Variants in KLF12 observed in about 807,000 individuals in gnomAD.
The protein encoded by KLF12 is KLF transcription factor 12, also known as Krueppel-like factor 12.
In KLF12, 9 loss-of-function variants were observed where a neutral mutation model predicts 37.8. The observed-to-expected ratio is 0.24, with a 90% CI of 0.14 to 0.42. The LOEUF (loss-of-function observed/expected upper bound fraction) is 0.42, where lower values mean the gene tolerates loss of function less well. Among genes scored for constraint, KLF12 ranks in the 10% least tolerant of loss-of-function variants. KLF12 has a pLI of 1.00. For missense variants in KLF12, 411 were observed against 516.0 expected, an observed-to-expected ratio of 0.80 and a Z score of 1.97; for synonymous variants, 208 against 202.1, an observed-to-expected ratio of 1.03 and a Z score of -0.25.
chr13:73,981,030 C>A (rs1359494803), intron 2 of KLF12, among the ~76,000 whole-genome samples: 1 of 152,020 alleles, frequency 6.6e-6, no homozygotes, highest in Admixed American at 6.5e-5. Context: ...CGTGGTGATG[C>A]CTGCCTGAAG....
chr13:73,903,650 C>T (rs1257721510), intron 3 of KLF12, among the ~76,000 whole-genome samples: 1 of 152,178 alleles, frequency 6.6e-6, no homozygotes, highest in Non-Finnish European at 1.5e-5. Context: ...CAATCTTCAA[C>T]TACTCTTGAA....
chr13:73,921,557 T>C (rs2139220184), intron 3 of KLF12, among the ~76,000 whole-genome samples: 2 of 152,146 alleles, frequency 1.3e-5, no homozygotes, highest in South Asian at 2.1e-4. Context: ...CAACTTAATC[T>C]CCCCAGCTGA....
chr13:74,183,348 T>C, the KLF12 span, among the ~76,000 whole-genome samples: 4 of 152,126 alleles, frequency 2.6e-5, no homozygotes, highest in Non-Finnish European at 5.9e-5. Context: ...TCTAAGCCCC[T>C]CTCTCTGGAC....
chr13:74,042,900 T>C (rs1238487345), intron 1 of KLF12, among the ~76,000 whole-genome samples: 1 of 152,106 alleles, frequency 6.6e-6, no homozygotes, highest in Non-Finnish European at 1.5e-5. Context: ...AGTACCTCAA[T>C]ATCCCAGGAG....
At chr13:73,782,335 C>T (rs1881020185) in intron 5 of KLF12, among the ~76,000 whole-genome samples, 1 of 152,068 alleles carries the variant, frequency 6.6e-6, no homozygotes, top group Non-Finnish European at 1.5e-5. Flanking sequence ...GACATGTGTC[C>T]CTGGCTGTTC....
intron 3 of KLF12, among the ~76,000 whole-genome samples, chr13:73,859,411 C>T (rs1024234135): frequency 3.3e-5 from 5 of 152,178 alleles, no homozygotes; most frequent in African/African-American, 1.2e-4. Context: ...ACTGAATCCA[C>T]CTCCCCATGC....
At position 73,846,342 on chromosome 13, in the gene KLF12, T is replaced by C; in HGVS notation, c.155A>G (p.Glu52Gly). ...ATTATTTAGCAACAGGGGAACGGCT[T>C]CCATATCGGGATAGTTGTGGACGTT... Residue 52 changes from glutamate to glycine, a missense_variant, in exon 4 of 8, where the codon GAA (glutamate) becomes GGA (glycine). Glu to Gly is a moderately conservative substitution (Grantham distance 98). This residue lies in a region of KLF12 where 351 missense variants were observed against 397.8 expected (regional missense o/e 0.88). Coordinates refer to ENST00000377669, the MANE Select transcript of KLF12 (RefSeq NM_007249.5). 6.2e-7 allele frequency: 1 copy of C among 1,613,588 alleles called. No individual in the cohort carries two copies. The highest frequency in any genetic ancestry group is 8.5e-7 in the Non-Finnish European group (1 of 1,179,932).
the KLF12 span, among the ~76,000 whole-genome samples, chr13:74,197,908 G>T: frequency 6.6e-6 from 1 of 152,030 alleles, no homozygotes; most frequent in African/African-American, 2.4e-5. Flanking sequence ...GCATTGATCA[G>T]GCTTGCGTTT....
chr13:73,863,538 T>G (rs1886032051), intron 3 of KLF12, among the ~76,000 whole-genome samples: 1 of 152,172 alleles, frequency 6.6e-6, no homozygotes, highest in Admixed American at 6.5e-5. Context: ...TAGTTGTGGT[T>G]GTTATTTTTT....
At chr13:74,177,607 C>T in the KLF12 span, among the ~76,000 whole-genome samples, 1 of 152,066 alleles carries the variant, frequency 6.6e-6, no homozygotes, top group African/African-American at 2.4e-5. Context: ...TAAGAAATGA[C>T]ATGATCATAT....
the KLF12 span, among the ~76,000 whole-genome samples, chr13:74,190,578 T>C: frequency 6.6e-6 from 1 of 152,350 alleles, no homozygotes; most frequent in Non-Finnish European, 1.5e-5. Context: ...GTAGTGAATA[T>C]CCTCTTGGTT....
rs531038665 is a variant in KLF12, at chr13:74,065,562, G to A, written c.-32+68177C>T. 1.1e-4 allele frequency among the ~76,000 whole-genome samples: 17 copies of A among 152,268 alleles called. 1 individual carries two copies. The South Asian group carries it at 3.5e-3, about 32-fold the overall frequency. On this transcript the variant is annotated intron_variant, in intron 1 of 7. Transcript: ENST00000377669. ...AAAATTTTTGTCAGGTCAAGGATGA[G>A]AATATGAGTGTTTGTGTGTTGTACT...
intron 1 of KLF12, among the ~76,000 whole-genome samples, chr13:74,118,791 C>A (rs1428200708): frequency 6.6e-6 from 1 of 152,120 alleles, no homozygotes; most frequent in African/African-American, 2.4e-5. Context: ...AGATAGGAAG[C>A]TGCACATGCT....
At chr13:73,850,586 C>T (rs1158572058) in intron 3 of KLF12, among the ~76,000 whole-genome samples, 1 of 152,186 alleles carries the variant, frequency 6.6e-6, no homozygotes, top group Non-Finnish European at 1.5e-5. Context: ...GGAAACCCCT[C>T]CAGGGATTTT....
intron 3 of KLF12, among the ~76,000 whole-genome samples, chr13:73,860,241 C>T (rs1199076302): frequency 3.3e-5 from 5 of 152,224 alleles, no homozygotes; most frequent in African/African-American, 1.2e-4. Flanking sequence ...AGATGCCACT[C>T]TTCTGTGCTT....
intron 1 of KLF12, among the ~76,000 whole-genome samples, chr13:74,120,938 T>A (rs1246620697): frequency 6.6e-6 from 1 of 151,860 alleles, no homozygotes; most frequent in African/African-American, 2.4e-5. Context: ...CAAGCCCAAA[T>A]AGAGCAAGAT....
At chr13:73,918,265 C>G (rs954823234) in intron 3 of KLF12, among the ~76,000 whole-genome samples, 1 of 151,998 alleles carries the variant, frequency 6.6e-6, no homozygotes, top group Admixed American at 6.6e-5. Flanking sequence ...TTTTTTTCCC[C>G]AAATATTCCT....
At chr13:73,919,518 A>AT (rs1211991874) in intron 3 of KLF12, among the ~76,000 whole-genome samples, 5 of 152,032 alleles carry the variant, frequency 3.3e-5, no homozygotes, top group Admixed American at 1.3e-4. Flanking sequence ...ATCCACAGTA[A>AT]TTTTTTTTAA....
chr13:74,068,932 C>A (rs1018142238), intron 1 of KLF12, among the ~76,000 whole-genome samples: 4 of 152,154 alleles, frequency 2.6e-5, no homozygotes, highest in Non-Finnish European at 5.9e-5. Flanking sequence ...TTTTGACAAA[C>A]TGACCAACTA....
Sources: allele counts gnomAD v4.1 joint callset (sites outside exome capture counted in the v4.1 genomes callset), GRCh38; gene constraint gnomAD v4.1.1; regional missense constraint gnomAD v4.1.1; transcripts MANE v1.5; gene names NCBI Gene and HGNC (gene_info 2026-07-23, HGNC 2026-07-21).